The following DISC1 variants were observed in gnomAD, a reference collection of about 807,000 sequenced individuals.
The protein encoded by DISC1 is disrupted in schizophrenia 1 protein.
In DISC1, 57 loss-of-function variants were observed where a neutral mutation model predicts 84.5. That is an observed-to-expected ratio of 0.67 (90% CI 0.55 to 0.84). DISC1 has a LOEUF of 0.84. DISC1 is among the 40% of genes least tolerant of loss of function. The probability of loss-of-function intolerance (pLI) is 0.00; values close to 1 mark genes in which losing one functional copy is unlikely to be tolerated. For synonymous variants in DISC1, 411 were observed against 415.2 expected, an observed-to-expected ratio of 0.99 and a Z score of 0.12; for missense variants, 1,000 against 1,057.8, an observed-to-expected ratio of 0.95 and a Z score of 0.76.
chr1:231,732,159 G>C (rs1331737327), intron 3 of DISC1, among the ~76,000 whole-genome samples: 1 of 152,226 alleles, frequency 6.6e-6, no homozygotes, highest in African/African-American at 2.4e-5. Context: ...AAGGCTACAT[G>C]AGAAAGGTGG....
At chr1:231,705,291 CAA>C (rs35677987) in intron 3 of DISC1, among the ~76,000 whole-genome samples, 5 of 11,060 alleles carry the variant, frequency 4.5e-4, no homozygotes, top group African/African-American at 1.5e-3. Context: ...GACTCCATCT[CAA>C]AAAAAAAAAA....
chr1:231,690,227 G>C (rs937297371), intron 1 of DISC1, among the ~76,000 whole-genome samples: 4 of 152,204 alleles, frequency 2.6e-5, no homozygotes, highest in Non-Finnish European at 5.9e-5. Context: ...AGGGCAAGCA[G>C]GTCTGTGCTT....
chr1:231,799,771 T>A (rs993914709), intron 7 of DISC1, among the ~76,000 whole-genome samples: 6 of 150,520 alleles, frequency 4.0e-5, no homozygotes. Flanking sequence ...ATGATGGGCA[T>A]ATGCTTGGAA....
At chr1:231,719,229 C>T (rs2069246201) in intron 3 of DISC1, among the ~76,000 whole-genome samples, 1 of 152,202 alleles carries the variant, frequency 6.6e-6, no homozygotes, top group African/African-American at 2.4e-5. Flanking sequence ...TGGCTGTCCT[C>T]TTGGCTAAAC....
chr1:232,005,435 A>G (rs1205053511), intron 10 of DISC1, among the ~76,000 whole-genome samples: 2 of 152,090 alleles, frequency 1.3e-5, no homozygotes, highest in Admixed American at 6.6e-5. Flanking sequence ...TTTGAAGTTA[A>G]TGTGCCTTTC....
intron 9 of DISC1, among the ~76,000 whole-genome samples, chr1:231,835,313 A>G (rs2082548804): frequency 6.6e-6 from 1 of 152,192 alleles, no homozygotes; most frequent in South Asian, 2.1e-4. Context: ...CCTGGGTGCA[A>G]GCGGGCTGAG....
chr1:231,859,170 G>GCCC (rs1358868445), intron 9 of DISC1, among the ~76,000 whole-genome samples: 18 of 152,198 alleles, frequency 1.2e-4, no homozygotes, highest in Non-Finnish European at 2.9e-5. Flanking sequence ...TTTGCAATGT[G>GCCC]CCCCATGTCT....
chr1:231,886,866 CT>C (rs869259991), intron 9 of DISC1, among the ~76,000 whole-genome samples: 2 of 5,778 alleles, frequency 3.5e-4, no homozygotes, highest in Admixed American at 2.4e-3. Context: ...CTTTTCTTTC[CT>C]TTTTTTTTTT....
chr1:231,641,904 C>T (rs1159108098), intron 1 of DISC1, among the ~76,000 whole-genome samples: 2 of 152,246 alleles, frequency 1.3e-5, no homozygotes, highest in African/African-American at 2.4e-5. Context: ...GATCCCGCAC[C>T]GGGGCTACAG....
At chr1:231,726,153 A>G (rs1558431768) in intron 3 of DISC1, among the ~76,000 whole-genome samples, 2 of 152,186 alleles carry the variant, frequency 1.3e-5, no homozygotes, top group Non-Finnish European at 2.9e-5. Context: ...CAGCCCCAAA[A>G]TAACATTTTG....
At chr1:231,904,661 C>A (rs2126035383) in intron 9 of DISC1, among the ~76,000 whole-genome samples, 1 of 152,076 alleles carries the variant, frequency 6.6e-6, no homozygotes, top group Admixed American at 6.5e-5. Flanking sequence ...CAATGACATC[C>A]CAAGAACAAT....
chr1:231,694,184 G>C lies in DISC1; in HGVS notation c.426G>C (p.Gly142=), dbSNP rs760521090. ...LSWPCGPGSA[G]WQQEFAAMDS... is the part of the protein sequence containing the mutation. ...GGCCGTGTGGCCCTGGGAGTGCTGG[G>C]TGGCAGCAAGAGTTTGCAGCCATGG... Residue 142 remains glycine (G), a synonymous_variant, in exon 2 of 13, where the codon GGG becomes GGC. Transcript: ENST00000439617. The C allele has an allele frequency of 1.2e-6, 2 of 1,614,212 alleles. No individual in the cohort carries two copies. The highest frequency in any genetic ancestry group is 1.7e-6 in the Non-Finnish European group (2 of 1,180,044).
intron 9 of DISC1, among the ~76,000 whole-genome samples, chr1:231,829,267 AT>A (rs796555879): frequency 1.1e-3 from 167 of 152,328 alleles, no homozygotes; most frequent in African/African-American, 3.9e-3. Context: ...AATAAGCATT[AT>A]TTTTTAAAAG....
chr1:231,922,458 G>A (rs2090067347), intron 9 of DISC1, among the ~76,000 whole-genome samples: 1 of 152,212 alleles, frequency 6.6e-6, no homozygotes, highest in African/African-American at 2.4e-5. Flanking sequence ...GATGAAGAAT[G>A]TGAGGCACAG....
intron 1 of DISC1, among the ~76,000 whole-genome samples, chr1:231,667,481 C>G (rs2062129469): frequency 6.6e-6 from 1 of 152,176 alleles, no homozygotes; most frequent in African/African-American, 2.4e-5. Flanking sequence ...TTCACTTCCC[C>G]TGGATGTGCT....
chr1:231,634,092 C>T (rs2058982172), intron 1 of DISC1, among the ~76,000 whole-genome samples: 1 of 152,098 alleles, frequency 6.6e-6, no homozygotes, highest in Non-Finnish European at 1.5e-5. Context: ...CCATGTCGGC[C>T]AGGCTGGTCT....
chr1:231,725,725 C>T (rs1391282887), intron 3 of DISC1, among the ~76,000 whole-genome samples: 1 of 152,170 alleles, frequency 6.6e-6, no homozygotes, highest in Non-Finnish European at 1.5e-5. Context: ...AGTTTGGGGG[C>T]TTGCCTGTCC....
chr1:231,735,807 C>T (rs1469035607), intron 3 of DISC1, among the ~76,000 whole-genome samples: 7 of 152,098 alleles, frequency 4.6e-5, no homozygotes, highest in African/African-American at 1.7e-4. Context: ...AACACTCATT[C>T]ATTTATTTTA....
At position 231,826,440 on chromosome 1, in the gene DISC1, T is replaced by C. The variant is rs73119187; in HGVS notation, c.1981+7923T>C. On this transcript the variant is annotated intron_variant, in intron 9 of 12. Transcript: ENST00000439617. The surrounding 1 kb of genome is among the most constrained non-coding windows in gnomAD (Gnocchi z 4.2). ...AACATCCTGAAAAGACGGGTATTTTTTTTTCATTTTTGAAGTTTTCAAGCA... is the reference window on the plus strand; with the variant it reads ...AACATCCTGAAAAGACGGGTATTTTCTTTTCATTTTTGAAGTTTTCAAGCA... Among the ~76,000 whole-genome samples the C allele has an allele frequency of 2.3e-3, 350 of 152,240 alleles. 2 individuals are homozygous for C. The highest frequency in any genetic ancestry group is 8.1e-3 in the African/African-American group (336 of 41,542).
Sources: allele counts gnomAD v4.1 joint callset (sites outside exome capture counted in the v4.1 genomes callset), GRCh38; gene constraint gnomAD v4.1.1; non-coding constraint Gnocchi (gnomAD v3.1); transcripts MANE v1.5; gene names NCBI Gene and HGNC (gene_info 2026-07-23, HGNC 2026-07-21).